DLGAP2: variants seen among roughly 807,000 people sequenced by gnomAD.
DLGAP2 encodes disks large-associated protein 2.
A neutral mutation model predicts 100.3 loss-of-function variants in DLGAP2; 26 were observed. That is an observed-to-expected ratio of 0.26 (90% CI 0.19 to 0.36). The LOEUF (loss-of-function observed/expected upper bound fraction) is 0.36. DLGAP2 is among the 10% of genes least tolerant of loss of function. The pLI is 1.00. For missense variants in DLGAP2, 1,858 were observed against 1,453.2 expected, an observed-to-expected ratio of 1.28 and a Z score of -4.53; for synonymous variants, 886 against 630.1, an observed-to-expected ratio of 1.41 and a Z score of -6.08.
chr8:1,577,586 A>AAAAAAG (rs1803039486), intron 6 of DLGAP2, among the ~76,000 whole-genome samples: 2 of 151,424 alleles, frequency 1.3e-5, no homozygotes, highest in African/African-American at 4.9e-5. Flanking sequence ...AAAAAAAAAA[A>AAAAAAG]AAAATTTAAA....
rs374817925 is a variant in DLGAP2 at position 758,910 on chromosome 8, G to T, written c.18+21085G>T. On this transcript the variant is annotated intron_variant, in intron 1 of 14. Coordinates refer to ENST00000637795, the MANE Select transcript of DLGAP2 (RefSeq NM_001346810.2). ...GATACACAGCAAAATTGAGCAGAAG[G>T]CACAGAGAGTTCCTATCTAACCACT... Among the ~76,000 whole-genome samples, 75 of 151,844 alleles carry T rather than the reference G, an allele frequency of 4.9e-4. 2 individuals are homozygous for T. In the South Asian group the frequency reaches 9.6e-3, roughly 19 times the overall value.
rs1363445344 is a variant in DLGAP2 at position 1,329,925 on chromosome 8, G to A, written c.106+71042G>A. On this transcript the variant is annotated intron_variant, in intron 3 of 14. Transcript: ENST00000637795. Reference sequence around the variant, plus strand: ...TGCTGCAAGCTGCAGCCGCCCTGCCGTGCAGTAGAACCCCAGAGCTTCCTC... The same window carrying A: ...TGCTGCAAGCTGCAGCCGCCCTGCCATGCAGTAGAACCCCAGAGCTTCCTC... 7.9e-5 allele frequency among the ~76,000 whole-genome samples: 12 copies of A among 152,342 alleles called. No individual in the cohort carries two copies. The South Asian group carries it at 8.3e-4, about 11-fold the overall frequency.
intron 3 of DLGAP2, among the ~76,000 whole-genome samples, chr8:1,457,975 C>CATAT (rs57897392): frequency 0.035 from 3,752 of 107,246 alleles, 90 homozygotes; most frequent in Non-Finnish European, 0.044. Context: ...GTTCTCTGAT[C>CATAT]ATATATATAT....
At chr8:1,552,280 C>A in intron 5 of DLGAP2, among the ~76,000 whole-genome samples, 1 of 152,240 alleles carries the variant, frequency 6.6e-6, no homozygotes, top group Non-Finnish European at 1.5e-5. Context: ...GCTTTCATGG[C>A]GCTCGTTCAC....
intron 2 of DLGAP2, among the ~76,000 whole-genome samples, chr8:1,066,211 T>C (rs1280981119): frequency 7.8e-3 from 531 of 67,764 alleles, no homozygotes; most frequent in Middle Eastern, 0.024. Flanking sequence ...AGGACAGTTC[T>C]CCACCATGGT....
intron 2 of DLGAP2, among the ~76,000 whole-genome samples, chr8:1,173,203 G>T (rs372661400): frequency 1.3e-5 from 2 of 152,138 alleles, no homozygotes; most frequent in South Asian, 2.1e-4. Flanking sequence ...GTGGTTTTTC[G>T]TGAACCGCGA....
At chr8:1,473,818 G>T (rs1798863388) in intron 3 of DLGAP2, among the ~76,000 whole-genome samples, 1 of 152,106 alleles carries the variant, frequency 6.6e-6, no homozygotes, top group African/African-American at 2.4e-5. Flanking sequence ...TTCCCATTTT[G>T]CTTGGCTTCC....
At position 1,213,187 on chromosome 8, in the gene DLGAP2, G is replaced by T. The variant is rs115989467; in HGVS notation, c.74-45664G>T. Among the ~76,000 whole-genome samples, 366 of 152,200 alleles carry T rather than the reference G, an allele frequency of 2.4e-3. 5 individuals carry two copies. The highest frequency in any genetic ancestry group is 8.0e-3 in the African/African-American group (334 of 41,544). On this transcript the variant is annotated intron_variant, in intron 2 of 14. Transcript: ENST00000637795. Reference sequence around the variant, plus strand: ...TGCTGTGTGCGGGATGTTATTAGCTGTTTTGCGGGTGTCATACTCACAGTC... The same window carrying T: ...TGCTGTGTGCGGGATGTTATTAGCTTTTTTGCGGGTGTCATACTCACAGTC...
intron 1 of DLGAP2, among the ~76,000 whole-genome samples, chr8:758,422 A>G (rs1028988137): frequency 2.0e-5 from 3 of 152,182 alleles, no homozygotes; most frequent in African/African-American, 7.2e-5. Flanking sequence ...GATATTTTAA[A>G]TAAAAGTAAC....
chr8:1,639,917 A>G (rs1195387257), intron 8 of DLGAP2, among the ~76,000 whole-genome samples: 3 of 152,184 alleles, frequency 2.0e-5, no homozygotes, highest in African/African-American at 7.2e-5. Flanking sequence ...ATGATCCAGG[A>G]TCATCTCCCC....
At chr8:772,641 G>A (rs1821396202) in intron 1 of DLGAP2, among the ~76,000 whole-genome samples, 1 of 152,192 alleles carries the variant, frequency 6.6e-6, no homozygotes, top group Non-Finnish European at 1.5e-5. Flanking sequence ...GTATTTTACT[G>A]TCTTTTCTTT....
chr8:1,041,013 T>A (rs1398525466), intron 2 of DLGAP2, among the ~76,000 whole-genome samples: 2 of 152,208 alleles, frequency 1.3e-5, no homozygotes, highest in African/African-American at 4.8e-5. Flanking sequence ...ACCTCTACTT[T>A]CAGCTACTTT....
intron 3 of DLGAP2, among the ~76,000 whole-genome samples, chr8:1,386,352 C>T (rs1796219599): frequency 6.6e-6 from 1 of 152,196 alleles, no homozygotes; most frequent in African/African-American, 2.4e-5. Flanking sequence ...TAGGCCGACA[C>T]CCCTGGAAAA....
At chr8:1,456,539 A>G (rs977637513) in intron 3 of DLGAP2, among the ~76,000 whole-genome samples, 2 of 152,244 alleles carry the variant, frequency 1.3e-5, no homozygotes, top group Admixed American at 6.5e-5. Context: ...GGCCCATTTC[A>G]TAGTAAAAAC....
At chr8:1,480,438 C>T (rs1040073385) in intron 3 of DLGAP2, among the ~76,000 whole-genome samples, 2 of 152,318 alleles carry the variant, frequency 1.3e-5, no homozygotes, top group East Asian at 3.9e-4. Context: ...TTCCCACACA[C>T]ATATTTTGCT....
intron 2 of DLGAP2, among the ~76,000 whole-genome samples, chr8:1,040,774 G>T (rs1802323945): frequency 6.6e-6 from 1 of 152,138 alleles, no homozygotes; most frequent in Non-Finnish European, 1.5e-5. Flanking sequence ...TGATGCTTTG[G>T]GCTGTGAAAA....
intron 2 of DLGAP2, chr8:1,019,346 G>C (rs969327677): frequency 6.6e-6 from 1 of 151,722 alleles, no homozygotes; most frequent in African/African-American, 2.4e-5. Context: ...GAAGTACCAG[G>C]ACCAGAGAAT....
rs141587403 is a variant in DLGAP2 at position 1,673,372 on chromosome 8, C to T, written c.2203-3161C>T. On this transcript the variant is annotated intron_variant, in intron 10 of 14. Coordinates refer to ENST00000637795, the MANE Select transcript of DLGAP2 (RefSeq NM_001346810.2). Reference sequence around the variant, plus strand: ...TTGTCCCAGACTTGCTTTTCTGTCTCACATGAAGCCTCTCTATGCCCAGGA... The same window carrying T: ...TTGTCCCAGACTTGCTTTTCTGTCTTACATGAAGCCTCTCTATGCCCAGGA... Among the ~76,000 whole-genome samples the T allele has an allele frequency of 2.6e-5, 4 of 152,328 alleles. No individual in the cohort carries two copies. The East Asian group carries it at 5.8e-4, about 22-fold the overall frequency.
intron 6 of DLGAP2, among the ~76,000 whole-genome samples, chr8:1,601,227 C>A (rs962295480): frequency 6.6e-6 from 1 of 152,222 alleles, no homozygotes; most frequent in Admixed American, 6.5e-5. Context: ...AGATTGCTGC[C>A]TGTTCCTTCC....
Sources: allele counts gnomAD v4.1 joint callset (sites outside exome capture counted in the v4.1 genomes callset), GRCh38; gene constraint gnomAD v4.1.1; transcripts MANE v1.5; gene names NCBI Gene and HGNC (gene_info 2026-07-23, HGNC 2026-07-21).